Variants in IMMP2L observed in about 807,000 individuals in gnomAD.
The protein encoded by IMMP2L is inner mitochondrial membrane peptidase subunit 2.
A neutral mutation model predicts 19.3 loss-of-function variants in IMMP2L; 18 were observed. That is an observed-to-expected ratio of 0.93 (90% CI 0.64 to 1.38). The LOEUF is 1.38. Among genes scored for constraint, IMMP2L ranks in the 40% most tolerant of loss-of-function variants. The pLI, the probability that IMMP2L is intolerant of heterozygous loss-of-function variation, is 0.00. For synonymous variants in IMMP2L, 76 were observed against 73.0 expected, an observed-to-expected ratio of 1.04 and a Z score of -0.21; for missense variants, 233 against 218.2, an observed-to-expected ratio of 1.07 and a Z score of -0.43.
At chr7:111,431,191 C>A (rs1326941239) in intron 3 of IMMP2L, among the ~76,000 whole-genome samples, 2 of 151,914 alleles carry the variant, frequency 1.3e-5, no homozygotes, top group African/African-American at 2.4e-5. Context: ...ACTTGCAGTA[C>A]CTCCGTGGCA....
At chr7:111,112,003 A>C (rs939842514) in intron 3 of IMMP2L, among the ~76,000 whole-genome samples, 1 of 124,172 alleles carries the variant, frequency 8.1e-6, no homozygotes, top group African/African-American at 3.2e-5. Flanking sequence ...GCTGGAGTGC[A>C]GTGGTGCGAT....
chr7:111,473,638 G>A (rs1841463318), intron 3 of IMMP2L, among the ~76,000 whole-genome samples: 1 of 152,118 alleles, frequency 6.6e-6, no homozygotes, highest in African/African-American at 2.4e-5. Context: ...AAGAATAACT[G>A]ACAGTTGATA....
At chr7:111,269,079 T>A (rs146656434) in intron 3 of IMMP2L, among the ~76,000 whole-genome samples, 239 of 152,288 alleles carry the variant, frequency 1.6e-3, no homozygotes, top group African/African-American at 5.4e-3. Context: ...CTATGCTACT[T>A]CTGCCTACAA....
At chr7:110,996,875 T>A (rs558776226) in intron 3 of IMMP2L, among the ~76,000 whole-genome samples, 3 of 152,206 alleles carry the variant, frequency 2.0e-5, no homozygotes, top group African/African-American at 7.2e-5. Flanking sequence ...CAGGTTTACA[T>A]GCAGTTAGTT....
chr7:111,273,230 T>A (rs1041009327), intron 3 of IMMP2L, among the ~76,000 whole-genome samples: 2 of 151,832 alleles, frequency 1.3e-5, no homozygotes, highest in African/African-American at 4.8e-5. Flanking sequence ...TGAGCCGAGA[T>A]CATGCCAATG....
intron 1 of IMMP2L, among the ~76,000 whole-genome samples, chr7:111,551,200 T>A (rs1398434509): frequency 6.6e-6 from 1 of 152,172 alleles, no homozygotes; most frequent in Non-Finnish European, 1.5e-5. Context: ...AAATGCTACA[T>A]TTTTCAAAGG....
chr7:110,662,890 A>G lies in IMMP2L; in HGVS notation c.*712T>C, dbSNP rs1791183865. Among the ~76,000 whole-genome samples the G allele has an allele frequency of 6.6e-6, 1 of 152,244 alleles. No homozygotes were observed. Among genetic ancestry groups the G allele is most frequent in the Non-Finnish European group, 1.5e-5 (1 of 68,042 alleles). On this transcript the variant is annotated 3_prime_UTR_variant, in exon 6 of 6. Coordinates refer to ENST00000405709, the MANE Select transcript of IMMP2L (RefSeq NM_032549.4). ...ATTGTGAATAGGCATGAGATCACTC[A>G]GAAATGTTGGATTACAAAGGGCCAA...
intron 3 of IMMP2L, among the ~76,000 whole-genome samples, chr7:111,251,278 C>T (rs1422186900): frequency 2.0e-5 from 3 of 152,146 alleles, no homozygotes; most frequent in African/African-American, 7.2e-5. Context: ...AGAGAAAACA[C>T]TTTTACACTG....
At chr7:111,140,657 G>A (rs1802787268) in intron 3 of IMMP2L, among the ~76,000 whole-genome samples, 1 of 152,152 alleles carries the variant, frequency 6.6e-6, no homozygotes, top group Non-Finnish European at 1.5e-5. Context: ...TGCAATTTTG[G>A]AAATATCTGA....
chr7:110,928,643 A>G (rs1815136882), intron 4 of IMMP2L, among the ~76,000 whole-genome samples: 1 of 152,124 alleles, frequency 6.6e-6, no homozygotes, highest in South Asian at 2.1e-4. Flanking sequence ...AGATACTTTC[A>G]TAACAACACT....
chr7:111,144,854 A>G (rs1232133714), intron 3 of IMMP2L, among the ~76,000 whole-genome samples: 1 of 152,192 alleles, frequency 6.6e-6, no homozygotes. Context: ...GGAGAAAGAC[A>G]TTAAGCAAAT....
rs781326627 is a variant in IMMP2L, at chr7:111,119,110, C to G, written c.240-155545G>C. Reference sequence around the variant, plus strand: ...GTTAACTTAAAGAAGGATATAGGTACCTCTCTGCTCTGCTGGAGAAAGCAG... The same window carrying G: ...GTTAACTTAAAGAAGGATATAGGTAGCTCTCTGCTCTGCTGGAGAAAGCAG... On this transcript the variant is annotated intron_variant, in intron 3 of 5. Coordinates refer to ENST00000405709, the MANE Select transcript of IMMP2L (RefSeq NM_032549.4). Among the ~76,000 whole-genome samples the G allele has an allele frequency of 1.4e-4, 21 of 152,124 alleles. 1 individual carries two copies. The highest frequency in any genetic ancestry group is 7.2e-4 in the Admixed American group (11 of 15,264).
At chr7:111,205,913 A>T (rs936861335) in intron 3 of IMMP2L, among the ~76,000 whole-genome samples, 14 of 152,164 alleles carry the variant, frequency 9.2e-5, no homozygotes, top group Non-Finnish European at 1.9e-4. Flanking sequence ...CCAATACATA[A>T]TAACATAGAA....
At chr7:111,091,371 T>C (rs1193796322) in intron 3 of IMMP2L, 2 of 152,170 alleles carry the variant, frequency 1.3e-5, no homozygotes, top group Non-Finnish European at 2.9e-5. Flanking sequence ...TTGTACACTT[T>C]GTTACACAGA....
chr7:110,797,686 T>G (rs1800952247), intron 5 of IMMP2L, among the ~76,000 whole-genome samples: 1 of 152,026 alleles, frequency 6.6e-6, no homozygotes, highest in Non-Finnish European at 1.5e-5. Context: ...AACTGATTAC[T>G]TTATTCACAT....
At chr7:110,942,122 T>G (rs915297863) in intron 4 of IMMP2L, among the ~76,000 whole-genome samples, 8 of 152,000 alleles carry the variant, frequency 5.3e-5, no homozygotes, top group Non-Finnish European at 1.0e-4. Flanking sequence ...TAAATTCTAC[T>G]TCTAAAGTAT....
intron 4 of IMMP2L, among the ~76,000 whole-genome samples, chr7:110,913,792 C>T (rs754879794): frequency 1.8e-4 from 27 of 151,890 alleles, no homozygotes; most frequent in Non-Finnish European, 2.9e-4. Flanking sequence ...AATTGTTTAA[C>T]GTTAGGAAAC....
At chr7:110,717,064 C>T (rs1795274619) in intron 5 of IMMP2L, among the ~76,000 whole-genome samples, 1 of 152,136 alleles carries the variant, frequency 6.6e-6, no homozygotes, top group Admixed American at 6.5e-5. Context: ...GGTAAGTCTA[C>T]CTAGGAGACA....
intron 3 of IMMP2L, among the ~76,000 whole-genome samples, chr7:111,203,483 A>G (rs947752384): frequency 2.0e-5 from 3 of 152,086 alleles, no homozygotes. Context: ...GTCAGAAAAT[A>G]TAAGGCATAG....
Sources: allele counts gnomAD v4.1 joint callset (sites outside exome capture counted in the v4.1 genomes callset), GRCh38; gene constraint gnomAD v4.1.1; transcripts MANE v1.5; gene names NCBI Gene and HGNC (gene_info 2026-07-23, HGNC 2026-07-21).